The following MKX variants were observed in gnomAD, a reference collection of about 807,000 sequenced individuals.
MKX encodes homeobox protein Mohawk.
In MKX, 13 loss-of-function variants were observed where a neutral mutation model predicts 36.0. That is an observed-to-expected ratio of 0.36 (90% CI 0.24 to 0.57). The LOEUF (loss-of-function observed/expected upper bound fraction) is 0.57. Among genes scored for constraint, MKX ranks in the 20% least tolerant of loss-of-function variants. MKX has a pLI of 0.79. For synonymous variants in MKX, 176 were observed against 178.3 expected (o/e 0.99, Z 0.10); for missense variants, 458 against 456.4 (o/e 1.00, Z -0.03).
intron 5 of MKX, among the ~76,000 whole-genome samples, chr10:27,718,286 C>T (rs886678893): frequency 6.6e-6 from 1 of 152,086 alleles, no homozygotes; most frequent in African/African-American, 2.4e-5. Flanking sequence ...TCACAATAAG[C>T]CAAATATGCA....
Position 27,741,016 on chromosome 10 carries a change from G to A in MKX, c.348+329C>T, listed in dbSNP as rs1834880732. Among the ~76,000 whole-genome samples the A allele has an allele frequency of 6.6e-6, 1 of 152,172 alleles. No homozygotes were observed. The highest frequency in any genetic ancestry group is 2.1e-4 in the South Asian group (1 of 4,818). ...CAAATGATGGTCTCACCCCAGACCT[G>A]CTGAATCCGAAACTCGGAGGTGGGG... On this transcript the variant is annotated intron_variant, in intron 3 of 6. Transcript: ENST00000419761. This position sits in a 1 kb window ranked among gnomAD's most constrained non-coding sequence, Gnocchi z 5.1.
intron 5 of MKX, among the ~76,000 whole-genome samples, chr10:27,693,234 G>A (rs1338254079): frequency 6.6e-6 from 1 of 152,134 alleles, no homozygotes; most frequent in Admixed American, 6.5e-5. Flanking sequence ...AGAGCCTGTG[G>A]GGTCATTCTA....
intron 5 of MKX, among the ~76,000 whole-genome samples, chr10:27,700,876 C>T (rs907426134): frequency 1.7e-4 from 26 of 152,208 alleles, no homozygotes; most frequent in Admixed American, 5.2e-4. Flanking sequence ...AAAATGTTTT[C>T]CCCTACCAAA....
At position 27,711,429 on chromosome 10, in the gene MKX, C is replaced by CTTTCTT. The variant is rs1399262532; in HGVS notation, c.838+23026_838+23027insAAGAAA. On this transcript the variant is annotated intron_variant, in intron 5 of 6. Coordinates refer to ENST00000419761, the MANE Select transcript of MKX (RefSeq NM_173576.3). ...CTTTCCTTCTTTCTTTCTTTCTTTT[C>CTTTCTT]TCTTTCTTTCTTTCTTTCTTTCTTT... 2.5e-3 allele frequency among the ~76,000 whole-genome samples: 284 copies of CTTTCTT among 114,594 alleles called. 1 individual carries two copies. The highest frequency in any genetic ancestry group is 0.017 in the East Asian group (55 of 3,184). The allele number at this position is 114,594 out of a possible 152,430, so 75.2% of individuals were successfully genotyped here.
chr10:27,744,539 G>A lies in MKX; in HGVS notation c.-82-1042C>T, dbSNP rs866023262. On this transcript the variant is annotated intron_variant, in intron 1 of 6. Coordinates refer to ENST00000419761, the MANE Select transcript of MKX (RefSeq NM_173576.3). The surrounding 1 kb of genome is among the most constrained non-coding windows in gnomAD (Gnocchi z 5.6). ...AGCAAGTCCGCGCGGCCGCGGAGCC[G>A]CAGAGTTACAGCCCCAAGGCGCGCG... Among the ~76,000 whole-genome samples the A allele has an allele frequency of 1.3e-5, 2 of 152,070 alleles. No homozygotes were observed. Among genetic ancestry groups the A allele is most frequent in the Non-Finnish European group, 2.9e-5 (2 of 67,990 alleles).
At chr10:27,693,950 G>A (rs1349323022) in intron 5 of MKX, among the ~76,000 whole-genome samples, 1 of 152,088 alleles carries the variant, frequency 6.6e-6, no homozygotes, top group Admixed American at 6.6e-5. Context: ...TGTTCTCATG[G>A]TAGTGAATAA....
intron 5 of MKX, among the ~76,000 whole-genome samples, chr10:27,676,146 C>A (rs964727650): frequency 6.6e-6 from 1 of 151,988 alleles, no homozygotes; most frequent in African/African-American, 2.4e-5. Context: ...GGTGGGTGTT[C>A]ACCTATATTC....
At chr10:27,695,508 T>C (rs757219372) in intron 5 of MKX, among the ~76,000 whole-genome samples, 1 of 152,194 alleles carries the variant, frequency 6.6e-6, no homozygotes, top group Non-Finnish European at 1.5e-5. Context: ...TTCAGCTTAA[T>C]TTAGGAGGTT....
chr10:27,735,276 A>G lies in MKX; in HGVS notation c.447T>C (p.Tyr149=). 6.2e-7 allele frequency: 1 copy of G among 1,613,752 alleles called. No individual in the cohort carries two copies. Among genetic ancestry groups the G allele is most frequent in the Non-Finnish European group, 8.5e-7 (1 of 1,179,862 alleles). ...TAAGCCGTTCAGCATTGCCTTGAAC[A>G]TACTTGTTGTATAACTTTATTCTCA... ...WALRIKLYNK[Y]VQGNAERLSV... is the part of the protein sequence containing the mutation. The change falls in exon 4 of 7, where the codon TAT becomes TAC. Residue 149 remains tyrosine, a synonymous_variant. Transcript: ENST00000419761.
At chr10:27,690,748 C>T (rs76079944) in intron 5 of MKX, among the ~76,000 whole-genome samples, 3,876 of 152,224 alleles carry the variant, frequency 0.025, 179 homozygotes, top group African/African-American at 0.087. Flanking sequence ...AGGGGCCACT[C>T]CAAGCTCCAT....
At chr10:27,698,344 C>T (rs2492913) in intron 5 of MKX, among the ~76,000 whole-genome samples, 118,284 of 152,058 alleles carry the variant, frequency 0.78, 46,230 homozygotes, top group Admixed American at 0.83. Context: ...AGATTCCTCT[C>T]GCCCTGGTGG....
chr10:27,700,929 TA>T (rs1461983900), intron 5 of MKX, among the ~76,000 whole-genome samples: 2 of 152,134 alleles, frequency 1.3e-5, no homozygotes, highest in African/African-American at 4.8e-5. Context: ...GTAATTTTTT[TA>T]AAAAATTTTA....
At chr10:27,694,208 C>G (rs1006377324) in intron 5 of MKX, among the ~76,000 whole-genome samples, 1 of 151,920 alleles carries the variant, frequency 6.6e-6, no homozygotes, top group African/African-American at 2.4e-5. Flanking sequence ...ATTTTAACAA[C>G]CACTAACATA....
chr10:27,744,986 G>C lies in MKX; in HGVS notation c.-83+721C>G, dbSNP rs922459677. 6.6e-6 allele frequency: 1 copy of C among 152,370 alleles called. No individual in the cohort carries two copies. Among genetic ancestry groups the C allele is most frequent in the Non-Finnish European group, 1.5e-5 (1 of 68,164 alleles). 9.4% of individuals were successfully genotyped at this position (152,370 alleles called of 1,614,324 possible). A position where few individuals can be genotyped will look rare whatever the true frequency, so the allele number is the denominator to read the frequency against. Reference sequence around the variant, plus strand: ...GGTGTGCACATAGCCTCGGTGATAAGTGTCAAAGAGAATTTTCGTGCTTGC... The same window carrying C: ...GGTGTGCACATAGCCTCGGTGATAACTGTCAAAGAGAATTTTCGTGCTTGC... On this transcript the variant is annotated intron_variant, in intron 1 of 6. Coordinates refer to ENST00000419761, the MANE Select transcript of MKX (RefSeq NM_173576.3). This position sits in a 1 kb window ranked among gnomAD's most constrained non-coding sequence, Gnocchi z 5.6.
chr10:27,724,756 T>TCCAC (rs144381276), intron 5 of MKX, among the ~76,000 whole-genome samples: 1 of 141,400 alleles, frequency 7.1e-6, no homozygotes, highest in African/African-American at 2.6e-5. Flanking sequence ...TACTACTACC[T>TCCAC]ACACACACAC....
chr10:27,742,404 A>T lies in MKX; in HGVS notation c.188+824T>A, dbSNP rs1326090626. Among the ~76,000 whole-genome samples, 1 of 151,978 alleles carries T rather than the reference A, an allele frequency of 6.6e-6. No individual in the cohort carries two copies. Among genetic ancestry groups the T allele is most frequent in the Admixed American group, 6.5e-5 (1 of 15,286 alleles). On this transcript the variant is annotated intron_variant, in intron 2 of 6. Coordinates refer to ENST00000419761, the MANE Select transcript of MKX (RefSeq NM_173576.3). The surrounding 1 kb of genome is among the most constrained non-coding windows in gnomAD (Gnocchi z 4.2). Reference sequence around the variant, plus strand: ...CACTTTGAAATGCAATTCCACCCGAAACGACTGGTAGTAACATTTTGACGA... The same window carrying T: ...CACTTTGAAATGCAATTCCACCCGATACGACTGGTAGTAACATTTTGACGA...
At chr10:27,677,303 G>C (rs2492910) in intron 5 of MKX, among the ~76,000 whole-genome samples, 60,138 of 151,748 alleles carry the variant, frequency 0.4, 12,459 homozygotes, top group East Asian at 0.76. Context: ...TTCCTTTTAC[G>C]CCCCCTGCCC....
At chr10:27,745,163 G>T (rs1435359351) in intron 1 of MKX, among the ~76,000 whole-genome samples, 2 of 151,698 alleles carry the variant, frequency 1.3e-5, no homozygotes, top group East Asian at 3.9e-4. Flanking sequence ...TAGATGCGAC[G>T]ACGTGTTTTT....
intron 5 of MKX, among the ~76,000 whole-genome samples, chr10:27,701,295 T>C (rs944273703): frequency 1.3e-5 from 2 of 150,362 alleles, no homozygotes; most frequent in African/African-American, 4.9e-5. Flanking sequence ...GCGGTGCACA[T>C]CACGGCACGC....
Sources: allele counts gnomAD v4.1 joint callset (sites outside exome capture counted in the v4.1 genomes callset), GRCh38; gene constraint gnomAD v4.1.1; non-coding constraint Gnocchi (gnomAD v3.1); transcripts MANE v1.5; gene names NCBI Gene and HGNC (gene_info 2026-07-23, HGNC 2026-07-21).